A1CF: variants seen among roughly 807,000 people sequenced by gnomAD.
A1CF encodes the protein APOBEC1 complementation factor, also known as APOBEC-1 stimulating protein.
A neutral mutation model predicts 68.9 loss-of-function variants in A1CF; 48 were observed. The observed-to-expected ratio is 0.70, with a 90% CI of 0.55 to 0.89. The LOEUF (loss-of-function observed/expected upper bound fraction) is 0.89, where lower values mean the gene tolerates loss of function less well. A1CF is among the 40% of genes least tolerant of loss of function. The pLI, the probability that A1CF is intolerant of heterozygous loss-of-function variation, is 0.00. For missense variants in A1CF, 653 were observed against 718.9 expected, an observed-to-expected ratio of 0.91 and a Z score of 1.05; for synonymous variants, 272 against 260.4, an observed-to-expected ratio of 1.04 and a Z score of -0.43.
Position 50,848,891 on chromosome 10 carries a change from G to C in A1CF, c.100-4769C>G, listed in dbSNP as rs951331755. Among the ~76,000 whole-genome samples the C allele has an allele frequency of 2.0e-5, 3 of 152,268 alleles. No individual in the cohort carries two copies. The South Asian group carries it at 6.2e-4, about 32-fold the overall frequency. On this transcript the variant is annotated intron_variant, in intron 3 of 12. Transcript: ENST00000373997. ...GGACCATACCCAGAACAGTGGTTCTGTGATCAGACTCCTGTGCATGGTTCT... is the reference window on the plus strand; with the variant it reads ...GGACCATACCCAGAACAGTGGTTCTCTGATCAGACTCCTGTGCATGGTTCT...
intron 10 of A1CF, among the ~76,000 whole-genome samples, 189 bp from the exon 11 acceptor site, chr10:50,811,365 ATTAG>A (rs1838103576): frequency 6.6e-6 from 1 of 152,230 alleles, no homozygotes; most frequent in Admixed American, 6.5e-5. Context: ...TGTTAGGTCT[ATTAG>A]TTCATAAAAT....
Position 50,806,796 on chromosome 10 carries a change from T to C in A1CF, c.1694A>G (p.Tyr565Cys). 6.2e-7 allele frequency: 1 copy of C among 1,613,778 alleles called. No homozygotes were observed. The highest frequency in any genetic ancestry group is 8.5e-7 in the Non-Finnish European group (1 of 1,179,778). ...AVTLGQDLAA[Y>C]TTYEVYPTFA... ...AGTTGGGTAGACCTCATAGGTTGTA[T>C]ATGCTGCTAAGTCTTGTCCAAGGGT... is the stretch of plus-strand genomic sequence containing the variant. The change falls in exon 13 of 13, where the codon TAT becomes TGT. Residue 565 changes from tyrosine to cysteine, a missense_variant. By Grantham distance (194) the Tyr-to-Cys change is radical (BLOSUM62 -2). Transcript: ENST00000373997.
intron 3 of A1CF, among the ~76,000 whole-genome samples, chr10:50,844,952 A>G (rs143482105): frequency 6.6e-6 from 1 of 152,322 alleles, no homozygotes; most frequent in East Asian, 1.9e-4. Flanking sequence ...TTTCTCAATT[A>G]TATTTTGTAA....
chr10:50,846,577 A>G (rs972684381), intron 3 of A1CF, among the ~76,000 whole-genome samples: 6 of 152,208 alleles, frequency 3.9e-5, no homozygotes, highest in Non-Finnish European at 5.9e-5. Context: ...TAATAGTAAA[A>G]TGGTAATTCC....
intron 4 of A1CF, among the ~76,000 whole-genome samples, chr10:50,843,276 C>G (rs908016172): frequency 2.6e-5 from 4 of 152,146 alleles, no homozygotes; most frequent in South Asian, 2.1e-4. Flanking sequence ...AAGTCCTCAT[C>G]ATTTGTCCTC....
chr10:50,831,767 G>A (rs868761551), intron 6 of A1CF, among the ~76,000 whole-genome samples: 4 of 152,140 alleles, frequency 2.6e-5, no homozygotes, highest in Admixed American at 6.6e-5. Context: ...GATTTGAATA[G>A]ACATATCTCA....
intron 1 of A1CF, among the ~76,000 whole-genome samples, chr10:50,871,512 G>A (rs1364753284): frequency 6.6e-6 from 1 of 151,812 alleles, no homozygotes; most frequent in Non-Finnish European, 1.5e-5. Flanking sequence ...ATAGTTCACC[G>A]GGCAGGAACA....
At chr10:50,880,164 T>C (rs1213880703) in intron 1 of A1CF, among the ~76,000 whole-genome samples, 1 of 152,104 alleles carries the variant, frequency 6.6e-6, no homozygotes, top group Non-Finnish European at 1.5e-5. Flanking sequence ...ATCTCAAAAG[T>C]TTTCTTCAGT....
chr10:50,847,493 A>C (rs1840053705), intron 3 of A1CF, among the ~76,000 whole-genome samples: 1 of 152,170 alleles, frequency 6.6e-6, no homozygotes, highest in Non-Finnish European at 1.5e-5. Context: ...TTTGTCTACC[A>C]TCTTCTTGAC....
intron 7 of A1CF, among the ~76,000 whole-genome samples, chr10:50,825,313 C>A (rs1301125176): frequency 1.3e-5 from 2 of 152,054 alleles, no homozygotes; most frequent in South Asian, 2.1e-4. Flanking sequence ...CTATGATAAC[C>A]CTAAGCCACT....
chr10:50,884,121 T>C (rs1194175640), intron 1 of A1CF, among the ~76,000 whole-genome samples: 1 of 152,230 alleles, frequency 6.6e-6, no homozygotes, highest in African/African-American at 2.4e-5. Context: ...GAGTTGCTTT[T>C]CTTTTGAGCC....
At position 50,814,031 on chromosome 10, in the gene A1CF, C is replaced by T. The variant is rs754054312; in HGVS notation, c.1149G>A (p.Ala383=). Residue 383 remains alanine (A), a synonymous_variant, in exon 10 of 13, where the codon GCG becomes GCA. Transcript: ENST00000373997. ...CACGGCCGCCCAGTCCTCTCACTCC[C>T]GCAGCCCCTACAGGTACATTCATGT... ...IIRAPSVRGA[A]GVRGLGGRGY... 13 of 1,613,516 alleles carry T rather than the reference C, an allele frequency of 8.1e-6. No individual in the cohort carries two copies. Among genetic ancestry groups the T allele is most frequent in the Admixed American group, 6.7e-5 (4 of 59,968 alleles).
At chr10:50,818,677 A>T (rs1382749740) in intron 8 of A1CF, among the ~76,000 whole-genome samples, 2 of 152,198 alleles carry the variant, frequency 1.3e-5, no homozygotes, top group Admixed American at 6.5e-5. Context: ...AGATGAAATA[A>T]TGCTTTTCTT....
At chr10:50,827,622 G>A (rs1158691744) in intron 7 of A1CF, among the ~76,000 whole-genome samples, 4 of 152,158 alleles carry the variant, frequency 2.6e-5, no homozygotes, top group Non-Finnish European at 5.9e-5. Flanking sequence ...AGAATCTCTG[G>A]AACACATTTA....
At chr10:50,822,570 A>G (rs550747709) in intron 7 of A1CF, 2 of 152,328 alleles carry the variant, frequency 1.3e-5, no homozygotes, top group Admixed American at 1.3e-4. Context: ...CAATTTAAAG[A>G]CATTGTGATA....
At chr10:50,815,282 A>G (rs891251212) in intron 9 of A1CF, among the ~76,000 whole-genome samples, 2 of 152,216 alleles carry the variant, frequency 1.3e-5, no homozygotes, top group Non-Finnish European at 2.9e-5. Context: ...TTTATCTTCT[A>G]GCTTTCTTGA....
chr10:50,808,381 A>C (rs1389310148), intron 12 of A1CF, among the ~76,000 whole-genome samples: 1 of 152,264 alleles, frequency 6.6e-6, no homozygotes, highest in Non-Finnish European at 1.5e-5. Flanking sequence ...GGGTAAAAGC[A>C]AATCCTTTCC....
chr10:50,879,631 G>A lies in A1CF; in HGVS notation c.-94+5950C>T, dbSNP rs552418556. On this transcript the variant is annotated intron_variant, in intron 1 of 12. Coordinates refer to ENST00000373997, the MANE Select transcript of A1CF (RefSeq NM_014576.4). ...AGAAGTAGTGTGTACAGAAGGAAAA[G>A]TCAAACACTTATAAAACCACCAGGT... is the stretch of plus-strand genomic sequence containing the variant. Among the ~76,000 whole-genome samples the A allele has an allele frequency of 5.9e-5, 9 of 152,256 alleles. No homozygotes were observed. In the East Asian group the frequency reaches 1.7e-3, roughly 29 times the overall value.
intron 2 of A1CF, among the ~76,000 whole-genome samples, chr10:50,863,163 A>G (rs939255926): frequency 3.3e-5 from 5 of 152,220 alleles, no homozygotes; most frequent in African/African-American, 1.2e-4. Context: ...GAATCAGGGC[A>G]TGGAAATAAA....
Sources: gnomAD v4.1 joint callset for allele counts (sites outside exome capture counted in the v4.1 genomes callset) on GRCh38, gnomAD v4.1.1 for gene constraint, MANE v1.5 for transcripts, NCBI Gene and HGNC (gene_info 2026-07-23, HGNC 2026-07-21) for gene names.